NELFA: variants seen among roughly 807,000 people sequenced by gnomAD.
The protein encoded by NELFA is negative elongation factor A.
In NELFA, 35 loss-of-function variants were observed where a neutral mutation model predicts 51.8. The observed-to-expected ratio is 0.68, with a 90% CI of 0.52 to 0.90. The LOEUF (loss-of-function observed/expected upper bound fraction) is 0.90. Ranked by LOEUF, NELFA falls within the 40% of genes least tolerant of loss-of-function variation. NELFA has a pLI of 0.00. For synonymous variants in NELFA, 417 were observed against 338.4 expected (o/e 1.23, Z -2.55); for missense variants, 658 against 746.4 (o/e 0.88, Z 1.38).
intron 3 of NELFA, among the ~76,000 whole-genome samples, chr4:1,988,313 G>A (rs1259664720): frequency 2.6e-5 from 4 of 152,258 alleles, no homozygotes; most frequent in Non-Finnish European, 5.9e-5. Flanking sequence ...CATCGACCCG[G>A]GCCTCCCCCT....
At position 1,989,753 on chromosome 4, in the gene NELFA, G is replaced by A; in HGVS notation, c.499C>T (p.Arg167Trp). The A allele has an allele frequency of 1.9e-6, 3 of 1,614,110 alleles. No homozygotes were observed. Among genetic ancestry groups the A allele is most frequent in the Non-Finnish European group, 2.5e-6 (3 of 1,180,036 alleles). ...TPPVKHFQLK[R>W]KPKSATLRAE... is the part of the protein sequence containing the mutation. Reference sequence around the variant, plus strand: ...CGCAGCGTGGCGCTCTTGGGTTTCCGCTTTAACTGAAAATGCTTCACCGGG... The same window carrying A: ...CGCAGCGTGGCGCTCTTGGGTTTCCACTTTAACTGAAAATGCTTCACCGGG... The change falls in exon 3 of 11, where the codon CGG becomes TGG. Residue 167 changes from arginine (R) to tryptophan (W), a missense_variant. By Grantham distance (101) the Arg-to-Trp change is moderately radical. Around this residue, in one of 3 missense-constraint regions of NELFA, gnomAD observed 371 missense variants for 448.3 expected, o/e 0.83. Transcript: ENST00000382882. The surrounding 1 kb of genome is among the most constrained non-coding windows in gnomAD (Gnocchi z 4.8).
chr4:1,984,136 T>C lies in NELFA; in HGVS notation c.1037-23A>G, dbSNP rs763244184. 3.7e-5 allele frequency: 56 copies of C among 1,514,958 alleles called. No individual in the cohort carries two copies. The African/African-American group carries it at 6.7e-4, about 18-fold the overall frequency. 93.8% of individuals were successfully genotyped at this position (1,514,958 alleles called of 1,614,324 possible). ...GGGCTGCAAGTAGACCGGGGCCTGG[T>C]GAGGGGGCTGGACCCCCACCCTGTT... On this transcript the variant is annotated intron_variant, in intron 8 of 10. Coordinates refer to ENST00000382882, the MANE Select transcript of NELFA (RefSeq NM_005663.5).
At chr4:1,992,604 AC>A (rs1728305814) in intron 1 of NELFA, 1 of 218,334 alleles carries the variant, frequency 4.6e-6, no homozygotes, top group Admixed American at 6.3e-5. Context: ...CGGGGCTGAA[AC>A]CCCAGCCCCA....
At chr4:1,984,271 C>T (rs1025538227) in intron 8 of NELFA, among the ~76,000 whole-genome samples, 158 bp from the exon 9 acceptor site, 1 of 152,174 alleles carries the variant, frequency 6.6e-6, no homozygotes, top group Non-Finnish European at 1.5e-5. Flanking sequence ...GCCCCAGAAG[C>T]CCCAGCCAGA....
chr4:1,991,426 G>A (rs1728265231), intron 2 of NELFA, 118 bp downstream of exon 2: 1 of 1,039,950 alleles, frequency 9.6e-7, no homozygotes, highest in African/African-American at 1.6e-5. Context: ...TAATATTCTA[G>A]GGACCAGGAC....
rs778610675 is a variant in NELFA at position 1,983,496 on chromosome 4, C to T, written c.1410G>A (p.Pro470=). The change falls in exon 11 of 11, where the codon CCG becomes CCA. Residue 470 remains proline (P), a synonymous_variant. Coordinates refer to ENST00000382882, the MANE Select transcript of NELFA (RefSeq NM_005663.5). ...GGATCACGTCCCCCTGCTCCTGGCA[C>T]GGGTTCTCTGCAGAGAGCAGGAGCT... The part of the protein sequence containing the change: ...LGFMAGSREN[P]CQEQGDVIQI... 8.7e-6 allele frequency: 14 copies of T among 1,613,982 alleles called. No homozygotes were observed. The highest frequency in any genetic ancestry group is 2.7e-5 in the African/African-American group (2 of 75,060).
chr4:2,008,679 G>A, intron 1 of NELFA, 71 bp downstream of exon 1: 2 of 1,528,168 alleles, frequency 1.3e-6, no homozygotes, highest in Non-Finnish European at 1.8e-6. Flanking sequence ...GGAGGGTCCG[G>A]AGTTGGGTGT....
chr4:1,991,062 G>C (rs533249188), intron 2 of NELFA, among the ~76,000 whole-genome samples: 1 of 152,220 alleles, frequency 6.6e-6, no homozygotes, highest in Non-Finnish European at 1.5e-5. Flanking sequence ...GCCTCCCAAA[G>C]TGCTGGGGTT....
chr4:1,999,906 A>G (rs1728528368), intron 1 of NELFA, among the ~76,000 whole-genome samples: 1 of 152,210 alleles, frequency 6.6e-6, no homozygotes, highest in African/African-American at 2.4e-5. Flanking sequence ...CAAATGCAAA[A>G]GAACTGAAAT....
At chr4:1,993,774 T>TG (rs1728347227) in intron 1 of NELFA, among the ~76,000 whole-genome samples, 1 of 145,168 alleles carries the variant, frequency 6.9e-6, no homozygotes, top group Admixed American at 6.8e-5. Context: ...TGGTGGAAGG[T>TG]GGGAACGAGC....
intron 1 of NELFA, among the ~76,000 whole-genome samples, chr4:2,000,609 C>T (rs1472897043): frequency 6.6e-6 from 1 of 152,080 alleles, no homozygotes; most frequent in African/African-American, 2.4e-5. Context: ...AGGAAGAAGT[C>T]GAATCCCTGA....
rs555127277 is a variant in NELFA at position 1,990,928 on chromosome 4, G to A, written c.382+616C>T. On this transcript the variant is annotated intron_variant, in intron 2 of 10. Transcript: ENST00000382882. ...TGATCCTCCTGACTCAGCCTCCCAA[G>A]TACCTGGGAGGACAGGCATGTGCCA... is the stretch of plus-strand genomic sequence containing the variant. 2.0e-5 allele frequency among the ~76,000 whole-genome samples: 3 copies of A among 152,294 alleles called. No homozygotes were observed. In the South Asian group the frequency reaches 6.2e-4, roughly 32 times the overall value.
Position 1,983,989 on chromosome 4 carries a change from C to CGTG in NELFA, c.1158_1160dup (p.Thr387dup). 1 of 1,609,706 alleles carries CGTG rather than the reference C, an allele frequency of 6.2e-7. No individual in the cohort carries two copies. Among genetic ancestry groups the CGTG allele is most frequent in the Non-Finnish European group, 8.5e-7 (1 of 1,179,592 alleles). ...TCAGAGGCGAGGTGGGCGCCGCAGG[C>CGTG]GTGGGTGTGGCAGGGCTCAGGCCGC... On this transcript the variant is annotated inframe_insertion, in exon 9 of 11. Transcript: ENST00000382882.
At chr4:1,990,402 T>C (rs771881658) in intron 2 of NELFA, 9 of 456,554 alleles carry the variant, frequency 2.0e-5, no homozygotes, top group South Asian at 6.2e-5. Flanking sequence ...CCACCTGAAC[T>C]GGCTACGTGC....
chr4:2,004,283 G>A (rs934252711), intron 1 of NELFA: 5 of 152,104 alleles, frequency 3.3e-5, no homozygotes, highest in Admixed American at 6.5e-5. Context: ...CAAATCTATA[G>A]AAGCAAAAAG....
chr4:1,983,665 A>G lies in NELFA; in HGVS notation c.1333T>C (p.Phe445Leu). 1 of 1,614,066 alleles carries G rather than the reference A, an allele frequency of 6.2e-7. No individual in the cohort carries two copies. Among genetic ancestry groups the G allele is most frequent in the Non-Finnish European group, 8.5e-7 (1 of 1,180,000 alleles). Reference protein sequence around the residue: ...REQMFAAQEMFKTANKVTRPE... With the variant: ...REQMFAAQEMLKTANKVTRPE... ...CGCGTGACTTTGTTGGCCGTCTTGAACATCTCCTGGGCAGCGAACATCTGC... is the reference window on the plus strand; with the variant it reads ...CGCGTGACTTTGTTGGCCGTCTTGAGCATCTCCTGGGCAGCGAACATCTGC... The change falls in exon 10 of 11, where the codon TTC (phenylalanine) becomes CTC (leucine). Residue 445 changes from phenylalanine (F) to leucine (L), a missense_variant. Transcript: ENST00000382882.
intron 7 of NELFA, among the ~76,000 whole-genome samples, chr4:1,985,211 G>A (rs3135123): frequency 0.55 from 83,715 of 152,152 alleles, 24,410 homozygotes; most frequent in East Asian, 0.93. Context: ...ACCACGAAGC[G>A]TTGATATAAA....
intron 4 of NELFA, 158 bp from the exon 5 acceptor site, chr4:1,986,560 C>T (rs1728106875): frequency 8.2e-7 from 1 of 1,218,212 alleles, no homozygotes; most frequent in South Asian, 1.5e-5. Flanking sequence ...TCCCGGACCT[C>T]AAGGAGCAGG....
rs567265561 is a variant in NELFA at position 1,984,343 on chromosome 4, C to A, written c.1037-230G>T. Reference sequence around the variant, plus strand: ...GCAGATAAGATGTCTGGACTCTGGCCAGCTGCTGGCCTGCAGCAGGTCCCC... The same window carrying A: ...GCAGATAAGATGTCTGGACTCTGGCAAGCTGCTGGCCTGCAGCAGGTCCCC... On this transcript the variant is annotated intron_variant, in intron 8 of 10. Transcript: ENST00000382882. 1.9e-3 allele frequency among the ~76,000 whole-genome samples: 294 copies of A among 152,278 alleles called. 2 individuals carry two copies. The highest frequency in any genetic ancestry group is 5.9e-3 in the African/African-American group (245 of 41,566).
Sources: allele counts gnomAD v4.1 joint callset (sites outside exome capture counted in the v4.1 genomes callset), GRCh38; gene constraint gnomAD v4.1.1; regional missense constraint gnomAD v4.1.1; non-coding constraint Gnocchi (gnomAD v3.1); transcripts MANE v1.5; gene names NCBI Gene and HGNC (gene_info 2026-07-23, HGNC 2026-07-21).